The following CAMK1D variants were observed in gnomAD, a reference collection of about 807,000 sequenced individuals.
The protein encoded by CAMK1D is calcium/calmodulin dependent protein kinase ID.
In CAMK1D, 9 loss-of-function variants were observed where a neutral mutation model predicts 47.7. The ratio of observed to expected loss-of-function variants is 0.19; its 90% CI spans 0.11 to 0.33. The LOEUF (loss-of-function observed/expected upper bound fraction) is 0.33. Ranked by LOEUF, CAMK1D falls within the 10% of genes least tolerant of loss-of-function variation. The probability of loss-of-function intolerance (pLI) is 1.00; values close to 1 mark genes in which losing one functional copy is unlikely to be tolerated. For missense variants in CAMK1D, 291 were observed against 488.7 expected (o/e 0.60, Z 3.81); for synonymous variants, 184 against 184.9 (o/e 0.99, Z 0.04).
chr10:12,703,868 CAA>C (rs766290620), intron 3 of CAMK1D, among the ~76,000 whole-genome samples: 17 of 67,550 alleles, frequency 2.5e-4, no homozygotes, highest in African/African-American at 2.4e-4. Context: ...GACTCCGTCT[CAA>C]AAAAAAAAAA....
At chr10:12,431,985 C>T (rs993734533) in intron 1 of CAMK1D, among the ~76,000 whole-genome samples, 6 of 152,304 alleles carry the variant, frequency 3.9e-5, no homozygotes, top group African/African-American at 1.2e-4. Flanking sequence ...TCAAGAAGGC[C>T]GACCATGTCT....
intron 3 of CAMK1D, among the ~76,000 whole-genome samples, chr10:12,722,293 A>G (rs1276008958): frequency 6.6e-6 from 1 of 151,636 alleles, no homozygotes; most frequent in East Asian, 1.9e-4. Context: ...AAAATACAAA[A>G]CAATTAGCCG....
At chr10:12,755,514 C>T (rs912143166) in intron 3 of CAMK1D, among the ~76,000 whole-genome samples, 1 of 152,188 alleles carries the variant, frequency 6.6e-6, no homozygotes, top group East Asian at 1.9e-4. Flanking sequence ...TGGGTATATA[C>T]CCAGTAATGG....
intron 1 of CAMK1D, among the ~76,000 whole-genome samples, chr10:12,498,003 G>A (rs1834593025): frequency 6.6e-6 from 1 of 152,192 alleles, no homozygotes; most frequent in Non-Finnish European, 1.5e-5. Flanking sequence ...CGTGTGCACG[G>A]AAACTGCCCT....
intron 3 of CAMK1D, among the ~76,000 whole-genome samples, chr10:12,677,515 C>T (rs1035245725): frequency 1.3e-5 from 2 of 152,036 alleles, no homozygotes; most frequent in Non-Finnish European, 2.9e-5. Flanking sequence ...TTATAACCCT[C>T]GGAGGTTGCT....
intron 1 of CAMK1D, among the ~76,000 whole-genome samples, chr10:12,518,093 C>T (rs565017529): frequency 1.2e-4 from 18 of 152,224 alleles, no homozygotes; most frequent in African/African-American, 4.3e-4. Context: ...TCCAGATTGC[C>T]TGTTTTTTCT....
intron 1 of CAMK1D, among the ~76,000 whole-genome samples, chr10:12,461,517 C>A (rs8181296): frequency 6.6e-6 from 1 of 151,488 alleles, no homozygotes; most frequent in Non-Finnish European, 1.5e-5. Flanking sequence ...GGTGAAACCC[C>A]GTCCCTACTA....
chr10:12,667,630 A>G (rs1199433412), intron 3 of CAMK1D, among the ~76,000 whole-genome samples: 1 of 152,264 alleles, frequency 6.6e-6, no homozygotes, highest in Non-Finnish European at 1.5e-5. Flanking sequence ...CTGGAACATC[A>G]TAAGATTAAG....
intron 3 of CAMK1D, among the ~76,000 whole-genome samples, chr10:12,744,948 G>T (rs1227462516): frequency 6.6e-6 from 1 of 152,162 alleles, no homozygotes; most frequent in Admixed American, 6.5e-5. Flanking sequence ...TCTCAGTTCT[G>T]TGCCCACGAA....
chr10:12,599,761 G>A (rs921014990), intron 2 of CAMK1D, among the ~76,000 whole-genome samples: 10 of 152,186 alleles, frequency 6.6e-5, no homozygotes, highest in Admixed American at 3.3e-4. Flanking sequence ...TTTTCCACAC[G>A]GGCCCCAGAG....
intron 1 of CAMK1D, among the ~76,000 whole-genome samples, chr10:12,454,469 A>T (rs1375645917): frequency 6.7e-6 from 1 of 148,252 alleles, no homozygotes; most frequent in Non-Finnish European, 1.5e-5. Flanking sequence ...GCCGAATTTT[A>T]ATTTTTTTTT....
At chr10:12,494,406 TTACACACACACG>T (rs1834474772) in intron 1 of CAMK1D, among the ~76,000 whole-genome samples, 1 of 152,066 alleles carries the variant, frequency 6.6e-6, no homozygotes, top group African/African-American at 2.4e-5. Flanking sequence ...AATATTAATG[TTACACACACACG>T]TACACACACA....
intron 1 of CAMK1D, among the ~76,000 whole-genome samples, chr10:12,423,927 G>A (rs902874900): frequency 8.5e-5 from 13 of 152,204 alleles, no homozygotes; most frequent in African/African-American, 2.7e-4. Flanking sequence ...GCGGGGTCCT[G>A]TGCCTTCCTG....
chr10:12,682,594 C>T (rs1210471583), intron 3 of CAMK1D, among the ~76,000 whole-genome samples: 1 of 151,948 alleles, frequency 6.6e-6, no homozygotes, highest in Non-Finnish European at 1.5e-5. Context: ...GAGTATTTTC[C>T]AAGTTAAAAA....
In CAMK1D at chr10:12,603,193, G is replaced by A. The variant is rs866287239; in HGVS notation, c.224+49837G>A. 2.6e-5 allele frequency among the ~76,000 whole-genome samples: 4 copies of A among 151,988 alleles called. No individual in the cohort carries two copies. The South Asian group carries it at 6.2e-4, about 24-fold the overall frequency. ...TGGGATTACAGGCATGAGCCACCGC[G>A]CCTGGCCTCTAACTGCTTGTTGATG... On this transcript the variant is annotated intron_variant, in intron 2 of 10. Coordinates refer to ENST00000619168, the MANE Select transcript of CAMK1D (RefSeq NM_153498.4).
chr10:12,436,538 G>A (rs1199219908), intron 1 of CAMK1D, among the ~76,000 whole-genome samples: 1 of 152,218 alleles, frequency 6.6e-6, no homozygotes, highest in Non-Finnish European at 1.5e-5. Context: ...ATGTTCACTG[G>A]TGGCGAGGAG....
At chr10:12,448,313 C>T (rs1051737605) in intron 1 of CAMK1D, among the ~76,000 whole-genome samples, 5 of 150,918 alleles carry the variant, frequency 3.3e-5, no homozygotes, top group African/African-American at 4.9e-5. Context: ...GCGTGAGCCA[C>T]GATGCCTGGA....
intron 2 of CAMK1D, among the ~76,000 whole-genome samples, chr10:12,576,868 T>G (rs1050284960): frequency 7.2e-5 from 11 of 152,258 alleles, no homozygotes; most frequent in African/African-American, 2.4e-4. Flanking sequence ...CCTGTGCATG[T>G]CAGTCAGTGA....
At chr10:12,652,870 C>T (rs958086735) in intron 2 of CAMK1D, among the ~76,000 whole-genome samples, 2 of 152,226 alleles carry the variant, frequency 1.3e-5, no homozygotes, top group African/African-American at 4.8e-5. Flanking sequence ...CAAAGCAAAA[C>T]ATGCTGCTCT....
Sources: allele counts gnomAD v4.1 joint callset (sites outside exome capture counted in the v4.1 genomes callset), GRCh38; gene constraint gnomAD v4.1.1; transcripts MANE v1.5; gene names NCBI Gene and HGNC (gene_info 2026-07-23, HGNC 2026-07-21).